Variants in COL6A6 observed in about 807,000 individuals in gnomAD.
The protein encoded by COL6A6 is collagen type VI alpha 6 chain, also known as collagen alpha-6(VI) chain.
COL6A6 carries 183 observed loss-of-function variants against 208.6 expected under a neutral mutation model. The ratio of observed to expected loss-of-function variants is 0.88; its 90% confidence interval spans 0.78 to 0.99. COL6A6 has a LOEUF of 0.99. COL6A6 is among the 50% of genes least tolerant of loss of function. The probability of loss-of-function intolerance (pLI) is 0.00; values close to 1 mark genes in which losing one functional copy is unlikely to be tolerated. For missense variants in COL6A6, 2,816 were observed against 2,815.2 expected, an observed-to-expected ratio of 1.00 and a Z score of -0.01; for synonymous variants, 973 against 1,011.8, an observed-to-expected ratio of 0.96 and a Z score of 0.73.
chr3:130,651,116 C>A (rs532845070), intron 33 of COL6A6, among the ~76,000 whole-genome samples: 1 of 152,154 alleles, frequency 6.6e-6, no homozygotes, highest in Non-Finnish European at 1.5e-5. Flanking sequence ...AGTGCCAGTA[C>A]GTAGTGAGCA....
At chr3:130,529,689 C>A (rs2062039142) in intron 1 of COL6A6, among the ~76,000 whole-genome samples, 1 of 152,164 alleles carries the variant, frequency 6.6e-6, no homozygotes, top group Admixed American at 6.5e-5. Context: ...TTTCCTGGTC[C>A]ACACCCAGAG....
chr3:130,552,400 C>CT (rs112529101), intron 1 of COL6A6, among the ~76,000 whole-genome samples: 14 of 151,950 alleles, frequency 9.2e-5, no homozygotes, highest in African/African-American at 2.9e-4. Context: ...TGTCCTTTGT[C>CT]TTTTTTTTAT....
At chr3:130,531,801 G>A (rs2062102869) in intron 1 of COL6A6, among the ~76,000 whole-genome samples, 1 of 152,172 alleles carries the variant, frequency 6.6e-6, no homozygotes, top group African/African-American at 2.4e-5. Flanking sequence ...ACTCGTTCTT[G>A]CTGAATTTCA....
chr3:130,649,900 T>C (rs2065583786), intron 33 of COL6A6, among the ~76,000 whole-genome samples: 2 of 152,178 alleles, frequency 1.3e-5, no homozygotes, highest in Non-Finnish European at 2.9e-5. Context: ...AATTTGCTGT[T>C]CTAGTGCTTC....
In COL6A6 at chr3:130,565,105, C is replaced by A. The variant is rs753628136; in HGVS notation, c.773C>A (p.Ala258Asp). ...LKGFLEESVS[A>D]LDIKENCMRV... ...GGATTCTTGGAAGAAAGTGTATCTGCCCTTGACATAAAGGAAAATTGCATG... is the reference window on the plus strand; with the variant it reads ...GGATTCTTGGAAGAAAGTGTATCTGACCTTGACATAAAGGAAAATTGCATG... Residue 258 changes from alanine to aspartate, a missense_variant, in exon 4 of 37, where the codon GCC (alanine) becomes GAC (aspartate). Transcript: ENST00000358511. 1.9e-6 allele frequency: 3 copies of A among 1,613,852 alleles called. No individual in the cohort carries two copies. In the African/African-American group the frequency reaches 4.0e-5, roughly 22 times the overall value.
chr3:130,527,598 T>C (rs1287649865), intron 1 of COL6A6, among the ~76,000 whole-genome samples: 1 of 152,242 alleles, frequency 6.6e-6, no homozygotes, highest in African/African-American at 2.4e-5. Flanking sequence ...TCCCAAGCAA[T>C]GATCACATCC....
chr3:130,599,592 A>G (rs1475746623), intron 19 of COL6A6, among the ~76,000 whole-genome samples, 165 bp from the exon 20 acceptor site: 1 of 152,210 alleles, frequency 6.6e-6, no homozygotes, highest in African/African-American at 2.4e-5. Context: ...TTATATAGAA[A>G]TGTGACTTAT....
At chr3:130,648,066 A>G (rs2065512898) in intron 32 of COL6A6, among the ~76,000 whole-genome samples, 1 of 152,248 alleles carries the variant, frequency 6.6e-6, no homozygotes, top group Non-Finnish European at 1.5e-5. Flanking sequence ...CATTAATCAG[A>G]TAATCAAAAA....
chr3:130,641,885 A>G (rs2065321411), intron 29 of COL6A6, among the ~76,000 whole-genome samples, 171 bp downstream of exon 29: 1 of 152,188 alleles, frequency 6.6e-6, no homozygotes, highest in Admixed American at 6.5e-5. Flanking sequence ...AGAGGTGAAA[A>G]AATACTGATT....
chr3:130,531,034 A>AGT (rs1361204191), intron 1 of COL6A6, among the ~76,000 whole-genome samples: 6 of 18,094 alleles, frequency 3.3e-4, no homozygotes, highest in African/African-American at 9.1e-4. Flanking sequence ...ACACACACAC[A>AGT]CACAGACACA....
chr3:130,559,263 C>T (rs2062829294), intron 1 of COL6A6, among the ~76,000 whole-genome samples: 1 of 152,170 alleles, frequency 6.6e-6, no homozygotes, highest in Admixed American at 6.5e-5. Context: ...TACACATTGC[C>T]TCCTGACATC....
intron 23 of COL6A6, among the ~76,000 whole-genome samples, chr3:130,619,040 C>T (rs2064622388): frequency 6.6e-6 from 1 of 152,160 alleles, no homozygotes; most frequent in Non-Finnish European, 1.5e-5. Flanking sequence ...ACAAATTAAA[C>T]ACAGTAGTTC....
chr3:130,671,593 A>C (rs1204435098), intron 36 of COL6A6, among the ~76,000 whole-genome samples: 1 of 152,204 alleles, frequency 6.6e-6, no homozygotes, highest in Admixed American at 6.5e-5. Context: ...TGAGCCATTC[A>C]AGAGAGGTGA....
At chr3:130,594,195 C>T in intron 17 of COL6A6, 86 bp from the exon 18 acceptor site, 4 of 1,025,168 alleles carry the variant, frequency 3.9e-6, no homozygotes, top group Non-Finnish European at 5.9e-6. Flanking sequence ...TTTAATTATT[C>T]ACACCAGGGA....
rs1488887419 is a variant in COL6A6 at position 130,568,343 on chromosome 3, CCCA to C, written c.2144_2146del (p.Thr715del). 6.2e-7 allele frequency: 1 copy of C among 1,613,872 alleles called. No homozygotes were observed. The highest frequency in any genetic ancestry group is 1.3e-5 in the African/African-American group (1 of 74,922). Reference sequence around the variant, plus strand: ...GAGCTTTGTGTCTCAGTACTTCAGCCCCACCAAGGGCGCCCGGCCCAACATCAG... The same window carrying C: ...GAGCTTTGTGTCTCAGTACTTCAGCCCCAAGGGCGCCCGGCCCAACATCAG... On this transcript the variant is annotated inframe_deletion, in exon 6 of 37. Coordinates refer to ENST00000358511, the MANE Select transcript of COL6A6 (RefSeq NM_001102608.3).
intron 11 of COL6A6, among the ~76,000 whole-genome samples, chr3:130,588,317 G>C (rs532911978): frequency 1.3e-5 from 2 of 152,306 alleles, no homozygotes; most frequent in South Asian, 4.1e-4. Context: ...CCCCACTAAA[G>C]TGAAGTATAA....
chr3:130,660,033 T>G (rs1294784975), intron 34 of COL6A6, among the ~76,000 whole-genome samples: 1 of 152,218 alleles, frequency 6.6e-6, no homozygotes, highest in African/African-American at 2.4e-5. Flanking sequence ...TTCCACCCTA[T>G]GTATTCTCAG....
chr3:130,623,270 C>A (rs2064790651), intron 24 of COL6A6, among the ~76,000 whole-genome samples: 1 of 152,060 alleles, frequency 6.6e-6, no homozygotes, highest in Admixed American at 6.5e-5. Flanking sequence ...CCAGCCTGGC[C>A]AACATGGTGA....
At chr3:130,578,766 G>A (rs1470662333) in intron 8 of COL6A6, among the ~76,000 whole-genome samples, 2 of 152,180 alleles carry the variant, frequency 1.3e-5, no homozygotes, top group African/African-American at 2.4e-5. Context: ...ACCTAGGGCA[G>A]GAAATGCTGA....
Sources: gnomAD v4.1 joint callset for allele counts (sites outside exome capture counted in the v4.1 genomes callset) on GRCh38, gnomAD v4.1.1 for gene constraint, MANE v1.5 for transcripts, NCBI Gene and HGNC (gene_info 2026-07-23, HGNC 2026-07-21) for gene names.